The following CLSTN2 variants were observed in gnomAD, a reference collection of about 807,000 sequenced individuals.
The protein encoded by CLSTN2 is calsyntenin 2.
In CLSTN2, 48 loss-of-function variants were observed where a neutral mutation model predicts 101.2. That is an observed-to-expected ratio of 0.47 (90% CI 0.38 to 0.60). The LOEUF (loss-of-function observed/expected upper bound fraction) is 0.60, where lower values mean the gene tolerates loss of function less well. CLSTN2 is among the 20% of genes least tolerant of loss of function. CLSTN2 has a pLI of 0.00. For synonymous variants in CLSTN2, 481 were observed against 463.6 expected (o/e 1.04, Z -0.48); for missense variants, 1,160 against 1,238.2 (o/e 0.94, Z 0.95).
At chr3:140,004,828 T>C (rs2006921687) in intron 1 of CLSTN2, among the ~76,000 whole-genome samples, 1 of 152,224 alleles carries the variant, frequency 6.6e-6, no homozygotes, top group African/African-American at 2.4e-5. Context: ...CTCCATGGTA[T>C]TTTATACCTT....
At chr3:140,390,090 T>TAA (rs5852981) in intron 2 of CLSTN2, among the ~76,000 whole-genome samples, 1,728 of 147,374 alleles carry the variant, frequency 0.012, 31 homozygotes, top group African/African-American at 0.039. Context: ...AAAGGTTTCT[T>TAA]AAAAAAAAAA....
At chr3:140,503,003 G>C (rs1348698631) in intron 8 of CLSTN2, among the ~76,000 whole-genome samples, 1 of 152,178 alleles carries the variant, frequency 6.6e-6, no homozygotes, top group African/African-American at 2.4e-5. Context: ...AAGAGCTTCT[G>C]TTTCCTTCTA....
chr3:140,404,598 G>T lies in CLSTN2; in HGVS notation c.469G>T (p.Ala157Ser). 6.2e-7 allele frequency: 1 copy of T among 1,614,216 alleles called. No individual in the cohort carries two copies. The highest frequency in any genetic ancestry group is 8.5e-7 in the Non-Finnish European group (1 of 1,180,036). The change falls in exon 4 of 17, where the codon GCT becomes TCT. Residue 157 changes from alanine to serine, a missense_variant. Transcript: ENST00000458420. ...ACAGGTGAAGGATGTCAACGAGTTT[G>T]CTCCCACCTTCAAAGAGCCAGCCTA... ...HIQVKDVNEFAPTFKEPAYKA... is the reference protein window; with the variant it reads ...HIQVKDVNEFSPTFKEPAYKA...
In CLSTN2 at chr3:140,477,663, A is replaced by G. The variant is rs139570793; in HGVS notation, c.1344+10932A>G. ...TTAAGTCATTTACCAAAGGTGTTGG[A>G]CCAAGCACCATGCTCCAAAGCTCCA... On this transcript the variant is annotated intron_variant, in intron 8 of 16. Coordinates refer to ENST00000458420, the MANE Select transcript of CLSTN2 (RefSeq NM_022131.3). Among the ~76,000 whole-genome samples the G allele has an allele frequency of 5.9e-3, 896 of 152,332 alleles. 13 individuals are homozygous for G. The highest frequency in any genetic ancestry group is 0.02 in the African/African-American group (850 of 41,580).
chr3:140,505,261 G>C (rs1033812586), intron 8 of CLSTN2, among the ~76,000 whole-genome samples: 1 of 152,170 alleles, frequency 6.6e-6, no homozygotes, highest in African/African-American at 2.4e-5. Flanking sequence ...TGACCCCACT[G>C]ATGGCCTTTA....
At chr3:140,350,774 G>A (rs140749485) in intron 2 of CLSTN2, among the ~76,000 whole-genome samples, 1,869 of 152,270 alleles carry the variant, frequency 0.012, 127 homozygotes, top group Admixed American at 0.11. Flanking sequence ...CCAGGTTACT[G>A]AAGCCTGGGG....
rs1392850831 is a variant in CLSTN2, at chr3:140,421,293, T to A, written c.787+19T>A. On this transcript the variant is annotated intron_variant, in intron 5 of 16. Transcript: ENST00000458420. ...TGGCAAGGTGGGCCTGTTTTATCAG[T>A]CTTGTGTGAAGGCAGCATGGTCTGA... 1 of 1,613,688 alleles carries A rather than the reference T, an allele frequency of 6.2e-7. No homozygotes were observed. Among genetic ancestry groups the A allele is most frequent in the Non-Finnish European group, 8.5e-7 (1 of 1,179,924 alleles).
intron 2 of CLSTN2, among the ~76,000 whole-genome samples, chr3:140,360,504 T>A (rs1459830108): frequency 2.6e-5 from 4 of 152,230 alleles, no homozygotes; most frequent in East Asian, 1.9e-4. Context: ...GAAACTCAGA[T>A]GACTGAAAAA....
rs1406878604 is a variant in CLSTN2, at chr3:140,562,899, C to T, written c.2301C>T (p.Phe767=). The part of the protein sequence containing the change: ...WRPASLEARR[F]RIKCSELNGR... ...CGGCTTCCCTTGAGGCCCGGCGTTTCCGGATTAAGTGCTCAGAACTCAATG... is the reference window on the plus strand; with the variant it reads ...CGGCTTCCCTTGAGGCCCGGCGTTTTCGGATTAAGTGCTCAGAACTCAATG... Residue 767 remains phenylalanine (F), a synonymous_variant, in exon 14 of 17, where the codon TTC becomes TTT. Coordinates refer to ENST00000458420, the MANE Select transcript of CLSTN2 (RefSeq NM_022131.3). 3 of 1,614,028 alleles carry T rather than the reference C, an allele frequency of 1.9e-6. No homozygotes were observed. Among genetic ancestry groups the T allele is most frequent in the Non-Finnish European group, 2.5e-6 (3 of 1,180,018 alleles).
chr3:140,119,885 T>C (rs1205649697), intron 1 of CLSTN2, among the ~76,000 whole-genome samples: 3 of 152,094 alleles, frequency 2.0e-5, no homozygotes, highest in African/African-American at 7.2e-5. Flanking sequence ...AGCTGCCACT[T>C]AGGTGCCCAG....
At chr3:139,972,296 G>A (rs983120714) in intron 1 of CLSTN2, among the ~76,000 whole-genome samples, 3 of 152,064 alleles carry the variant, frequency 2.0e-5, no homozygotes, top group African/African-American at 4.8e-5. Context: ...ACCCTGGGGG[G>A]TGTGGGTTTT....
intron 8 of CLSTN2, among the ~76,000 whole-genome samples, chr3:140,488,271 A>G (rs1443965663): frequency 6.6e-6 from 1 of 152,184 alleles, no homozygotes; most frequent in Non-Finnish European, 1.5e-5. Flanking sequence ...TCAGGGACAA[A>G]TGTTCATTAT....
chr3:140,494,261 C>T (rs774289620), intron 8 of CLSTN2, among the ~76,000 whole-genome samples: 6 of 152,130 alleles, frequency 3.9e-5, no homozygotes, highest in Non-Finnish European at 8.8e-5. Context: ...AGTCTGCATT[C>T]CCAAAAAGCA....
chr3:139,948,451 C>T (rs969939531), intron 1 of CLSTN2, among the ~76,000 whole-genome samples: 1 of 150,874 alleles, frequency 6.6e-6, no homozygotes, highest in Non-Finnish European at 1.5e-5. Flanking sequence ...GGTGACAGAG[C>T]GACTCCATCT....
chr3:140,152,519 A>T (rs1417982534), intron 1 of CLSTN2, among the ~76,000 whole-genome samples: 1 of 152,232 alleles, frequency 6.6e-6, no homozygotes, highest in African/African-American at 2.4e-5. Context: ...TAGTATAACT[A>T]TTAATGCTGA....
Position 140,413,957 on chromosome 3 carries a change from AG to A in CLSTN2, c.638-7167del, listed in dbSNP as rs1442043278. 3.3e-5 allele frequency among the ~76,000 whole-genome samples: 5 copies of A among 152,150 alleles called. No individual in the cohort carries two copies. In the East Asian group the frequency reaches 9.6e-4, roughly 29 times the overall value. On this transcript the variant is annotated intron_variant, in intron 4 of 16. Coordinates refer to ENST00000458420, the MANE Select transcript of CLSTN2 (RefSeq NM_022131.3). The stretch of plus-strand genomic sequence containing the variant: ...GCAAACATCATACTCCACGGTGAAA[AG>A]TTTAAAGCTTTTTTCTCTAATGTAA...
intron 6 of CLSTN2, among the ~76,000 whole-genome samples, chr3:140,450,705 C>T (rs1396616855): frequency 2.0e-5 from 3 of 152,078 alleles, no homozygotes; most frequent in Non-Finnish European, 2.9e-5. Flanking sequence ...TCAACTTTCA[C>T]ACATACGTAC....
chr3:140,093,674 C>T (rs1457776240), intron 1 of CLSTN2, among the ~76,000 whole-genome samples: 1 of 152,066 alleles, frequency 6.6e-6, no homozygotes, highest in African/African-American at 2.4e-5. Context: ...TGGTGATCTT[C>T]CACTCTATCT....
At chr3:140,330,385 G>C (rs1395861514) in intron 2 of CLSTN2, among the ~76,000 whole-genome samples, 1 of 152,166 alleles carries the variant, frequency 6.6e-6, no homozygotes, top group African/African-American at 2.4e-5. Flanking sequence ...CAACTAATGA[G>C]GGGTGGTCAA....
Sources: allele counts gnomAD v4.1 joint callset (sites outside exome capture counted in the v4.1 genomes callset), GRCh38; gene constraint gnomAD v4.1.1; transcripts MANE v1.5; gene names NCBI Gene and HGNC (gene_info 2026-07-23, HGNC 2026-07-21).